UGT2A2: variants seen among roughly 807,000 people sequenced by gnomAD.
UGT2A2 encodes the protein UDP glucuronosyltransferase family 2 member A2.
UGT2A2 carries 60 observed loss-of-function variants against 50.7 expected under a neutral mutation model. The ratio of observed to expected loss-of-function variants is 1.18; its 90% CI spans 0.96 to 1.47. The LOEUF is 1.47. Ranked by LOEUF, UGT2A2 falls within the 40% of genes most tolerant of loss-of-function variation. The pLI is 0.00. For synonymous variants in UGT2A2, 242 were observed against 214.6 expected (o/e 1.13, Z -1.11); for missense variants, 762 against 634.0 (o/e 1.20, Z -2.17).
rs982058629 is a variant in UGT2A2, at chr4:69,589,401, T to C, written c.1582A>G (p.Lys528Glu). 1.2e-5 allele frequency: 20 copies of C among 1,613,488 alleles called. No homozygotes were observed. Among genetic ancestry groups the C allele is most frequent in the Non-Finnish European group, 1.7e-5 (20 of 1,179,750 alleles). ...CCLFSCQKFG[K>E]IGKKKKRE ...TCTCTTTTTTTCTTCTTTCCTATCT[T>C]ACCAAATTTTTGACAGGAAAACAAA... The change falls in exon 6 of 6, where the codon AAG (lysine) becomes GAG (glutamate). Residue 528 changes from lysine (K) to glutamate (E), a missense_variant. Transcript: ENST00000604629.
At chr4:69,634,044 G>T (rs1024722707) in intron 1 of UGT2A2, among the ~76,000 whole-genome samples, 1 of 152,076 alleles carries the variant, frequency 6.6e-6, no homozygotes, top group Non-Finnish European at 1.5e-5. Flanking sequence ...AGGAGATCGA[G>T]ACCATCCTGG....
chr4:69,599,466 A>G, intron 1 of UGT2A2, 72 bp from the exon 2 acceptor site: 1 of 1,578,746 alleles, frequency 6.3e-7, no homozygotes, highest in Non-Finnish European at 8.5e-7. Flanking sequence ...AAAAGCTACC[A>G]GTAATTTCCT....
intron 1 of UGT2A2, among the ~76,000 whole-genome samples, chr4:69,602,890 A>G (rs1375381694): frequency 7.4e-6 from 1 of 134,306 alleles, no homozygotes; most frequent in East Asian, 2.1e-4. Flanking sequence ...AGATGGTGAA[A>G]CCCCGTCTCT....
rs1343279831 is a variant in UGT2A2, at chr4:69,588,915, T to G, written c.*457A>C. 6.5e-6 allele frequency: 1 copy of G among 153,032 alleles called. No individual in the cohort carries two copies. Among genetic ancestry groups the G allele is most frequent in the Non-Finnish European group, 1.5e-5 (1 of 68,622 alleles). The allele number at this position is 153,032 out of a possible 1,614,324, so 9.5% of individuals were successfully genotyped here. ...AATCATTACCTTTCTCATAACACAC[T>G]ACTCTCCTACGGTGGCTCCCTGATT... On this transcript the variant is annotated 3_prime_UTR_variant, in exon 6 of 6. Coordinates refer to ENST00000604629, the MANE Select transcript of UGT2A2 (RefSeq NM_001105677.2).
At chr4:69,628,754 T>G (rs1721227605) in intron 1 of UGT2A2, among the ~76,000 whole-genome samples, 1 of 148,330 alleles carries the variant, frequency 6.7e-6, no homozygotes, top group Admixed American at 6.8e-5. Flanking sequence ...TACTTAATAC[T>G]AAATGTAAAG....
chr4:69,605,862 G>A (rs1719576864), intron 1 of UGT2A2, among the ~76,000 whole-genome samples: 1 of 136,730 alleles, frequency 7.3e-6, no homozygotes, highest in Admixed American at 7.2e-5. Flanking sequence ...ACCCTCCCAA[G>A]ACTAAATCAG....
Position 69,639,286 on chromosome 4 carries a change from C to A in UGT2A2, c.355G>T (p.Glu119Ter). 6.2e-7 allele frequency: 1 copy of A among 1,613,640 alleles called. No homozygotes were observed. Among genetic ancestry groups the A allele is most frequent in the Non-Finnish European group, 8.5e-7 (1 of 1,179,722 alleles). ...TPLTIWAFYK[E>*]LGKLLDTFFQ... ...AAAGTGTCTAGAAGTTTTCCTAGTTCTTTGTAGAAAGCCCATATTGTGAGA... is the reference window on the plus strand; with the variant it reads ...AAAGTGTCTAGAAGTTTTCCTAGTTATTTGTAGAAAGCCCATATTGTGAGA... Residue 119 changes from glutamate (E) to a stop codon, truncating the protein, a stop_gained, in exon 1 of 6, where the codon GAA (glutamate) becomes TAA (stop). Coordinates refer to ENST00000604629, the MANE Select transcript of UGT2A2 (RefSeq NM_001105677.2). LOFTEE classifies it high-confidence loss of function.
At chr4:69,627,026 A>C (rs946130989) in intron 1 of UGT2A2, among the ~76,000 whole-genome samples, 12 of 151,874 alleles carry the variant, frequency 7.9e-5, no homozygotes, top group Non-Finnish European at 1.2e-4. Flanking sequence ...TTATTAGATA[A>C]TGGCATATAA....
chr4:69,607,530 C>T (rs868352934), intron 1 of UGT2A2, among the ~76,000 whole-genome samples: 44 of 151,896 alleles, frequency 2.9e-4, no homozygotes, highest in Middle Eastern at 3.4e-3. Flanking sequence ...ATGTCTAAAA[C>T]ACCAAAAGCA....
chr4:69,632,491 G>A (rs1224216866), intron 1 of UGT2A2, among the ~76,000 whole-genome samples: 4 of 152,074 alleles, frequency 2.6e-5, no homozygotes, highest in South Asian at 2.1e-4. Context: ...ATAATCTCAC[G>A]GAGGATAATT....
chr4:69,599,088 T>C (rs1356387258), intron 2 of UGT2A2, among the ~76,000 whole-genome samples, 158 bp downstream of exon 2: 1 of 152,154 alleles, frequency 6.6e-6, no homozygotes, highest in East Asian at 1.9e-4. Flanking sequence ...AAACACCTAA[T>C]ATCACTTGTA....
At chr4:69,636,245 T>A (rs1721704574) in intron 1 of UGT2A2, among the ~76,000 whole-genome samples, 1 of 152,148 alleles carries the variant, frequency 6.6e-6, no homozygotes, top group African/African-American at 2.4e-5. Flanking sequence ...AAATTTGACA[T>A]GTTGTTAGCT....
At chr4:69,627,855 A>G (rs984694100) in intron 1 of UGT2A2, among the ~76,000 whole-genome samples, 1 of 151,984 alleles carries the variant, frequency 6.6e-6, no homozygotes, top group Admixed American at 6.6e-5. Context: ...CATAGACAAT[A>G]TTACAGGTTA....
chr4:69,610,589 G>A (rs556716264), intron 1 of UGT2A2, among the ~76,000 whole-genome samples: 2 of 152,166 alleles, frequency 1.3e-5, no homozygotes, highest in Admixed American at 6.5e-5. Context: ...TGTATATGAA[G>A]CCTGACTGTA....
intron 1 of UGT2A2, among the ~76,000 whole-genome samples, chr4:69,618,790 G>A (rs1301634720): frequency 2.6e-5 from 4 of 151,636 alleles, no homozygotes; most frequent in Non-Finnish European, 4.4e-5. Context: ...AAATAGAAGT[G>A]AACTTTCTTA....
intron 1 of UGT2A2, among the ~76,000 whole-genome samples, chr4:69,627,054 A>G (rs560862728): frequency 6.6e-6 from 1 of 151,896 alleles, no homozygotes; most frequent in Non-Finnish European, 1.5e-5. Context: ...GATGTATATT[A>G]TAGGTATATT....
chr4:69,635,491 C>T (rs921028729), intron 1 of UGT2A2, among the ~76,000 whole-genome samples: 49 of 152,288 alleles, frequency 3.2e-4, no homozygotes, highest in African/African-American at 1.1e-3. Context: ...ACAGTGAGAA[C>T]TATCTATTTG....
rs989159583 is a variant in UGT2A2, at chr4:69,589,447, T to C, written c.1536A>G (p.Ile512Met). Residue 512 changes from isoleucine to methionine, a missense_variant, in exon 6 of 6, where the codon ATA becomes ATG. By Grantham distance (10) the Ile-to-Met change is conservative. Coordinates refer to ENST00000604629, the MANE Select transcript of UGT2A2 (RefSeq NM_001105677.2). Reference sequence around the variant, plus strand: ...ACAAACAACATTGTATGACCAAAAATATAGCCGTTGTCACACAGACCAGCA... The same window carrying C: ...ACAAACAACATTGTATGACCAAAAACATAGCCGTTGTCACACAGACCAGCA... ...GFLLVCVTTA[I>M]FLVIQCCLFS... 6.2e-7 allele frequency: 1 copy of C among 1,613,986 alleles called. No individual in the cohort carries two copies. Among genetic ancestry groups the C allele is most frequent in the Non-Finnish European group, 8.5e-7 (1 of 1,180,026 alleles).
At chr4:69,620,655 C>CA (rs57029226) in intron 1 of UGT2A2, among the ~76,000 whole-genome samples, 263 of 130,688 alleles carry the variant, frequency 2.0e-3, no homozygotes, top group African/African-American at 4.6e-3. Context: ...TATATGGAAC[C>CA]AAAAAAAAAA....
Sources: allele counts gnomAD v4.1 joint callset (sites outside exome capture counted in the v4.1 genomes callset), GRCh38; gene constraint gnomAD v4.1.1; transcripts MANE v1.5; gene names NCBI Gene and HGNC (gene_info 2026-07-23, HGNC 2026-07-21).